The following SDK2 variants were observed in gnomAD, a reference collection of about 807,000 sequenced individuals.
SDK2 encodes the protein protein sidekick-2.
A neutral mutation model predicts 253.9 loss-of-function variants in SDK2; 105 were observed. The observed-to-expected ratio is 0.41, with a 90% CI of 0.35 to 0.49. SDK2 has a LOEUF of 0.49. Among genes scored for constraint, SDK2 ranks in the 20% least tolerant of loss-of-function variants. The pLI is 0.06. For missense variants in SDK2, 2,608 were observed against 3,003.0 expected (o/e 0.87, Z 3.07); for synonymous variants, 1,249 against 1,234.9 (o/e 1.01, Z -0.24).
chr17:73,388,549 C>T (rs2062893977), intron 29 of SDK2, among the ~76,000 whole-genome samples: 1 of 152,138 alleles, frequency 6.6e-6, no homozygotes, highest in Admixed American at 6.5e-5. Context: ...GCGGGGGCAT[C>T]CTATGCAATG....
At chr17:73,420,746 C>A (rs1420988297) in intron 15 of SDK2, among the ~76,000 whole-genome samples, 1 of 152,068 alleles carries the variant, frequency 6.6e-6, no homozygotes, top group Non-Finnish European at 1.5e-5. Flanking sequence ...CACGATTTCA[C>A]CTCACTGCAA....
intron 37 of SDK2, among the ~76,000 whole-genome samples, chr17:73,367,308 C>T (rs1033035215): frequency 6.6e-6 from 1 of 152,058 alleles, no homozygotes; most frequent in Non-Finnish European, 1.5e-5. Flanking sequence ...CATGTGTGGT[C>T]CATTGTACTT....
chr17:73,592,595 C>T (rs998965880), intron 1 of SDK2, among the ~76,000 whole-genome samples: 20 of 152,270 alleles, frequency 1.3e-4, no homozygotes, highest in Admixed American at 3.3e-4. Context: ...GGAGTCTAAC[C>T]GGGGCACACC....
intron 3 of SDK2, among the ~76,000 whole-genome samples, chr17:73,456,419 C>T (rs186665605): frequency 1.1e-4 from 16 of 152,266 alleles, no homozygotes; most frequent in Middle Eastern, 3.4e-3. Context: ...AATTTGAACT[C>T]GGACCTTAAA....
chr17:73,464,178 G>T (rs1340267981), intron 3 of SDK2, among the ~76,000 whole-genome samples: 1 of 152,134 alleles, frequency 6.6e-6, no homozygotes, highest in Non-Finnish European at 1.5e-5. Flanking sequence ...ATATGGTTTG[G>T]ATTTGTGTCC....
At chr17:73,495,465 A>G (rs1450076328) in intron 2 of SDK2, among the ~76,000 whole-genome samples, 12 of 152,128 alleles carry the variant, frequency 7.9e-5, no homozygotes, top group Non-Finnish European at 1.5e-4. Context: ...CCATCCTCCA[A>G]TGTCAGCAGT....
chr17:73,504,523 T>C (rs1441611663), intron 2 of SDK2: 1 of 149,506 alleles, frequency 6.7e-6, no homozygotes, highest in Non-Finnish European at 1.5e-5. Flanking sequence ...TCCCAGCTAC[T>C]TGGGAGGCTG....
In SDK2 at chr17:73,440,896, G is replaced by A. The variant is rs763575045; in HGVS notation, c.641C>T (p.Ala214Val). Residue 214 changes from alanine to valine, a missense_variant, in exon 6 of 45, where the codon GCA becomes GTA. Transcript: ENST00000392650. ...ENVGGPADPI[A>V]PTIIIPPKNT... ...TTTAGGTGGGATGATGATGGTGGGT[G>A]CGATGGGGTCTGCAGGCCCCCCTAC... 16 of 1,551,626 alleles carry A rather than the reference G, an allele frequency of 1.0e-5. No homozygotes were observed. The highest frequency in any genetic ancestry group is 1.4e-5 in the Non-Finnish European group (16 of 1,146,918).
chr17:73,485,326 G>C (rs2063763211), intron 2 of SDK2, among the ~76,000 whole-genome samples: 2 of 152,198 alleles, frequency 1.3e-5, no homozygotes, highest in Non-Finnish European at 2.9e-5. Flanking sequence ...TGCTGATCCT[G>C]AGGGGAAGGC....
intron 1 of SDK2, among the ~76,000 whole-genome samples, chr17:73,566,101 G>T (rs2045307812): frequency 6.6e-6 from 1 of 152,278 alleles, no homozygotes; most frequent in South Asian, 2.1e-4. Context: ...GATTACAGGC[G>T]TGAGGCACTG....
chr17:73,596,117 G>A (rs73998936), intron 1 of SDK2, among the ~76,000 whole-genome samples: 27,983 of 152,160 alleles, frequency 0.18, 2,772 homozygotes, highest in African/African-American at 0.2. Flanking sequence ...GCACACACAG[G>A]GAGTCCCAGC....
chr17:73,477,930 A>G (rs2063697395), intron 2 of SDK2, among the ~76,000 whole-genome samples: 1 of 152,180 alleles, frequency 6.6e-6, no homozygotes, highest in South Asian at 2.1e-4. Context: ...GAGCCAGCAC[A>G]CACCTGCATT....
At chr17:73,494,109 G>A (rs1872078) in intron 2 of SDK2, among the ~76,000 whole-genome samples, 41,618 of 152,092 alleles carry the variant, frequency 0.27, 6,520 homozygotes, top group East Asian at 0.48. Flanking sequence ...CCAGGGAAAT[G>A]ACACTGAGTG....
intron 18 of SDK2, among the ~76,000 whole-genome samples, chr17:73,402,556 A>C (rs1441200894): frequency 6.6e-6 from 1 of 152,202 alleles, no homozygotes; most frequent in Non-Finnish European, 1.5e-5. Context: ...GGGTCCTTCC[A>C]AACGTGGGGC....
intron 38 of SDK2, among the ~76,000 whole-genome samples, chr17:73,365,003 G>C (rs1399506361): frequency 2.0e-5 from 3 of 152,272 alleles, no homozygotes; most frequent in Admixed American, 6.5e-5. Flanking sequence ...TTGACCAAAG[G>C]GGGAAGAATA....
rs1370076502 is a variant in SDK2, at chr17:73,398,144, G to T, written c.3245C>A (p.Pro1082His). 6 of 1,613,682 alleles carry T rather than the reference G, an allele frequency of 3.7e-6. No individual in the cohort carries two copies. The highest frequency in any genetic ancestry group is 5.1e-6 in the Non-Finnish European group (6 of 1,179,788). ...CTGGATCTTTCTAGAAGGCTGACTG[G>T]GGGGGCTGGTGCCCACGATGTTCAC... ...RQVNIVGTSP[P>H]SQPSRKIQTL... The change falls in exon 24 of 45, where the codon CCC (proline) becomes CAC (histidine). Residue 1082 changes from proline (P) to histidine (H), a missense_variant. By Grantham distance (77) the Pro-to-His change is moderately conservative (BLOSUM62 -2). This residue lies in a region of SDK2 where 1,505 missense variants were observed against 1,859.1 expected (regional missense o/e 0.81). Coordinates refer to ENST00000392650, the MANE Select transcript of SDK2 (RefSeq NM_001144952.2).
chr17:73,343,885 T>G (rs1467931771), intron 44 of SDK2, among the ~76,000 whole-genome samples: 5 of 152,150 alleles, frequency 3.3e-5, no homozygotes, highest in Non-Finnish European at 7.4e-5. Flanking sequence ...TTGCCCTAGA[T>G]GACAGAGAAG....
intron 12 of SDK2, 69 bp downstream of exon 12, chr17:73,430,442 G>A (rs1021196221): frequency 9.7e-5 from 116 of 1,200,002 alleles, no homozygotes; most frequent in Non-Finnish European, 1.2e-4. Context: ...GTGGACACTC[G>A]CCCAGCTACA....
rs528585065 is a variant in SDK2, at chr17:73,506,407, A to G, written c.224+1031T>C. 2.2e-4 allele frequency among the ~76,000 whole-genome samples: 33 copies of G among 152,160 alleles called. 1 individual carries two copies. Among genetic ancestry groups the G allele is most frequent in the Non-Finnish European group, 3.7e-4 (25 of 67,992 alleles). ...CCCTGTCCTGGGCTTTCTTTTGCCA[A>G]TGTGGCCACACTACACCAGCCCATG... is the stretch of plus-strand genomic sequence containing the variant. On this transcript the variant is annotated intron_variant, in intron 2 of 44. Transcript: ENST00000392650.
Sources: allele counts gnomAD v4.1 joint callset (sites outside exome capture counted in the v4.1 genomes callset), GRCh38; gene constraint gnomAD v4.1.1; regional missense constraint gnomAD v4.1.1; transcripts MANE v1.5; gene names NCBI Gene and HGNC (gene_info 2026-07-23, HGNC 2026-07-21).